GRID1: variants seen among roughly 807,000 people sequenced by gnomAD.
GRID1 encodes the protein glutamate ionotropic receptor delta type subunit 1.
In GRID1, 28 loss-of-function variants were observed where a neutral mutation model predicts 98.0. The ratio of observed to expected loss-of-function variants is 0.29; its 90% CI spans 0.21 to 0.39. The LOEUF is 0.39. GRID1 is among the 10% of genes least tolerant of loss of function. The pLI, the probability that GRID1 is intolerant of heterozygous loss-of-function variation, is 1.00. For synonymous variants in GRID1, 553 were observed against 538.5 expected (o/e 1.03, Z -0.37); for missense variants, 1,111 against 1,340.5 (o/e 0.83, Z 2.67).
At chr10:86,183,423 G>A (rs1845685801) in intron 3 of GRID1, among the ~76,000 whole-genome samples, 1 of 152,106 alleles carries the variant, frequency 6.6e-6, no homozygotes. Flanking sequence ...GCAATGGCAT[G>A]ATCTCAGCTC....
intron 2 of GRID1, among the ~76,000 whole-genome samples, chr10:86,350,080 A>C (rs1462597814): frequency 6.6e-6 from 1 of 152,234 alleles, no homozygotes; most frequent in Non-Finnish European, 1.5e-5. Flanking sequence ...CCTTCCAGAT[A>C]GTAGGAACAG....
At chr10:85,929,019 C>T (rs1841813346) in intron 4 of GRID1, among the ~76,000 whole-genome samples, 1 of 152,182 alleles carries the variant, frequency 6.6e-6, no homozygotes, top group Admixed American at 6.5e-5. Flanking sequence ...TCTGCAAAGT[C>T]TGGGAGATAG....
chr10:85,641,340 A>G (rs961363987), intron 13 of GRID1, among the ~76,000 whole-genome samples: 2 of 152,252 alleles, frequency 1.3e-5, no homozygotes, highest in African/African-American at 4.8e-5. Context: ...TAGTTTGAAA[A>G]TCAAAAGATA....
intron 3 of GRID1, among the ~76,000 whole-genome samples, chr10:86,199,960 C>A (rs1231984118): frequency 2.0e-5 from 3 of 151,922 alleles, no homozygotes; most frequent in African/African-American, 7.2e-5. Flanking sequence ...GATATGGCTC[C>A]CAGAGATTTC....
intron 8 of GRID1, among the ~76,000 whole-genome samples, chr10:85,795,204 T>C (rs1842515602): frequency 6.6e-6 from 1 of 152,186 alleles, no homozygotes; most frequent in South Asian, 2.1e-4. Flanking sequence ...TCTAACATCA[T>C]TCATTCCTTC....
At chr10:86,141,376 G>A (rs1845008933) in intron 3 of GRID1, among the ~76,000 whole-genome samples, 1 of 152,184 alleles carries the variant, frequency 6.6e-6, no homozygotes, top group African/African-American at 2.4e-5. Context: ...ATCAGAGGGA[G>A]TAGCAGGGCA....
At chr10:86,115,543 G>A (rs1009945153) in intron 4 of GRID1, among the ~76,000 whole-genome samples, 1 of 152,180 alleles carries the variant, frequency 6.6e-6, no homozygotes, top group Admixed American at 6.5e-5. Context: ...CTACAAGGTA[G>A]GTAATCTCAT....
At chr10:85,719,211 A>G (rs936527873) in intron 12 of GRID1, among the ~76,000 whole-genome samples, 2 of 152,180 alleles carry the variant, frequency 1.3e-5, no homozygotes, top group East Asian at 3.8e-4. Flanking sequence ...CATTTTTGTC[A>G]AAGCCATTCA....
intron 4 of GRID1, among the ~76,000 whole-genome samples, chr10:86,136,234 T>C (rs996859419): frequency 1.4e-4 from 21 of 152,200 alleles, no homozygotes; most frequent in East Asian, 1.9e-4. Flanking sequence ...GCCAGTCAGA[T>C]AGCTCATGTT....
chr10:85,982,050 CCT>C (rs913617262), intron 4 of GRID1, among the ~76,000 whole-genome samples: 6 of 151,928 alleles, frequency 3.9e-5, no homozygotes, highest in Non-Finnish European at 5.9e-5. Context: ...GTGCAAAGGC[CCT>C]GAGGTGAGCG....
intron 4 of GRID1, among the ~76,000 whole-genome samples, chr10:85,923,363 G>A (rs577173401): frequency 1.3e-5 from 2 of 152,292 alleles, no homozygotes; most frequent in African/African-American, 2.4e-5. Context: ...AATTTACCCT[G>A]TGAAGCACTA....
intron 5 of GRID1, among the ~76,000 whole-genome samples, chr10:85,883,331 T>A (rs1841062442): frequency 6.6e-6 from 1 of 152,216 alleles, no homozygotes; most frequent in African/African-American, 2.4e-5. Context: ...CAGTATCTAT[T>A]TTTGAAACAT....
intron 4 of GRID1, among the ~76,000 whole-genome samples, chr10:86,069,186 C>T (rs960252546): frequency 6.6e-6 from 1 of 152,114 alleles, no homozygotes; most frequent in African/African-American, 2.4e-5. Context: ...CTCTGCTCAC[C>T]TGGGCCAGGT....
At chr10:85,762,064 G>T (rs1321700670) in intron 8 of GRID1, among the ~76,000 whole-genome samples, 1 of 152,066 alleles carries the variant, frequency 6.6e-6, no homozygotes. Flanking sequence ...CCTCCCATTT[G>T]CTCCACCCAC....
intron 3 of GRID1, among the ~76,000 whole-genome samples, chr10:86,194,415 C>T (rs1193043720): frequency 6.6e-6 from 1 of 152,058 alleles, no homozygotes; most frequent in Non-Finnish European, 1.5e-5. Flanking sequence ...AAGCATGTCA[C>T]CAAACAATGC....
chr10:86,114,509 G>A (rs747790461), intron 4 of GRID1, among the ~76,000 whole-genome samples: 31 of 152,154 alleles, frequency 2.0e-4, no homozygotes, highest in Non-Finnish European at 3.7e-4. Context: ...GTCCTACAGC[G>A]GGTCTGGGAG....
At chr10:85,848,925 A>G (rs1246270961) in intron 8 of GRID1, among the ~76,000 whole-genome samples, 1 of 152,140 alleles carries the variant, frequency 6.6e-6, no homozygotes, top group Non-Finnish European at 1.5e-5. Flanking sequence ...ACTCAAGTTT[A>G]TTTCTCTTCT....
chr10:85,693,719 A>T (rs757186339), intron 12 of GRID1, among the ~76,000 whole-genome samples: 9 of 152,210 alleles, frequency 5.9e-5, no homozygotes, highest in Non-Finnish European at 1.0e-4. Context: ...TGTGGGGAAA[A>T]TTGGATTGCC....
At chr10:86,016,090 T>G (rs1842976193) in intron 4 of GRID1, among the ~76,000 whole-genome samples, 1 of 150,376 alleles carries the variant, frequency 6.6e-6, no homozygotes, top group South Asian at 2.1e-4. Flanking sequence ...AGAAGAGTGG[T>G]AGGAAGTAAA....
Sources: gnomAD v4.1 joint callset for allele counts (sites outside exome capture counted in the v4.1 genomes callset) on GRCh38, gnomAD v4.1.1 for gene constraint, MANE v1.5 for transcripts, NCBI Gene and HGNC (gene_info 2026-07-23, HGNC 2026-07-21) for gene names.